LCORL: variants seen among roughly 807,000 people sequenced by gnomAD.
LCORL encodes ligand dependent nuclear receptor corepressor like, also known as ligand-dependent nuclear receptor corepressor-like protein.
LCORL carries 41 observed loss-of-function variants against 141.8 expected under a neutral mutation model. The observed-to-expected ratio is 0.29, with a 90% CI of 0.23 to 0.38. The LOEUF is 0.38. LCORL is among the 10% of genes least tolerant of loss of function. The pLI is 1.00. For missense variants in LCORL, 1,759 were observed against 2,035.0 expected (o/e 0.86, Z 2.61); for synonymous variants, 618 against 694.1 (o/e 0.89, Z 1.72).
At chr4:17,887,943 C>G (rs1227403859) in intron 5 of LCORL, among the ~76,000 whole-genome samples, 2 of 152,024 alleles carry the variant, frequency 1.3e-5, no homozygotes, top group African/African-American at 4.8e-5. Flanking sequence ...CTAATTCTCA[C>G]CAAATCTAAC....
chr4:17,853,165 C>T (rs1723970757), intron 7 of LCORL, among the ~76,000 whole-genome samples: 1 of 151,496 alleles, frequency 6.6e-6, no homozygotes, highest in African/African-American at 2.4e-5. Context: ...ATGGAAGTCT[C>T]CAGGGCCTAT....
intron 5 of LCORL, among the ~76,000 whole-genome samples, chr4:17,886,783 AAAT>A (rs767781172): frequency 2.0e-4 from 31 of 152,118 alleles, no homozygotes; most frequent in Non-Finnish European, 1.5e-4. Context: ...AACTTTAGAA[AAAT>A]AATGTTATAA....
At chr4:18,014,103 C>G (rs1193282598) in intron 1 of LCORL, among the ~76,000 whole-genome samples, 1 of 151,930 alleles carries the variant, frequency 6.6e-6, no homozygotes, top group South Asian at 2.1e-4. Context: ...CCACCGTGCC[C>G]GGCCTGCAAT....
At chr4:17,948,136 C>T (rs958517715) in intron 4 of LCORL, among the ~76,000 whole-genome samples, 2 of 151,758 alleles carry the variant, frequency 1.3e-5, no homozygotes, top group African/African-American at 4.8e-5. Flanking sequence ...ATAGTGAAGC[C>T]AAGAAAATAT....
At chr4:17,999,477 G>T (rs1721567767) in intron 1 of LCORL, among the ~76,000 whole-genome samples, 1 of 151,710 alleles carries the variant, frequency 6.6e-6, no homozygotes, top group Non-Finnish European at 1.5e-5. Flanking sequence ...AGAACAGGAT[G>T]TCGAAGACAT....
At chr4:17,875,948 C>A (rs187256623) in exon 7 of LCORL, 1 of 1,231,130 alleles carries the variant, frequency 8.1e-7, no homozygotes, top group Non-Finnish European at 1.0e-6. Flanking sequence ...TTTCAGAGTT[C>A]GCATTTGAGA....
At chr4:17,919,854 T>C (rs1243167279) in intron 4 of LCORL, among the ~76,000 whole-genome samples, 1 of 152,238 alleles carries the variant, frequency 6.6e-6, no homozygotes, top group African/African-American at 2.4e-5. Flanking sequence ...TCCTTAGAGA[T>C]GGTCTTGCCC....
At chr4:17,881,379 C>G (rs887977115) in intron 6 of LCORL, 32 of 979,548 alleles carry the variant, frequency 3.3e-5, no homozygotes, top group Admixed American at 6.2e-5. Context: ...CCTGCCTTTC[C>G]TAGTTTGTAT....
At chr4:18,004,865 T>A (rs533804758) in intron 1 of LCORL, among the ~76,000 whole-genome samples, 1 of 151,618 alleles carries the variant, frequency 6.6e-6, no homozygotes, top group Non-Finnish European at 1.5e-5. Context: ...ATGGGAGAAA[T>A]TGGCAAAAAC....
At chr4:18,004,265 C>T (rs761790503) in intron 1 of LCORL, among the ~76,000 whole-genome samples, 2 of 152,192 alleles carry the variant, frequency 1.3e-5, no homozygotes, top group Non-Finnish European at 2.9e-5. Flanking sequence ...ATGGATTTCA[C>T]ATTGTACTAG....
chr4:17,992,587 A>G (rs957461408), intron 1 of LCORL, among the ~76,000 whole-genome samples: 2 of 152,204 alleles, frequency 1.3e-5, no homozygotes, highest in Non-Finnish European at 2.9e-5. Context: ...CTTTGAACAG[A>G]TTCTTGAGTT....
chr4:17,881,751 T>G (rs533443698), intron 6 of LCORL: 3 of 961,748 alleles, frequency 3.1e-6, no homozygotes, highest in Non-Finnish European at 3.7e-6. Flanking sequence ...TATTATGTAA[T>G]GCATTCAAAG....
chr4:17,956,945 T>C (rs913580665), intron 4 of LCORL, among the ~76,000 whole-genome samples: 3 of 151,810 alleles, frequency 2.0e-5, no homozygotes, highest in Non-Finnish European at 2.9e-5. Flanking sequence ...AAAAAATAAA[T>C]ATTGGAATGA....
intron 1 of LCORL, among the ~76,000 whole-genome samples, chr4:17,997,208 T>C (rs780064525): frequency 1.3e-5 from 2 of 152,200 alleles, no homozygotes; most frequent in Non-Finnish European, 2.9e-5. Flanking sequence ...CGAACAAGTA[T>C]GTACTGGTCT....
At chr4:17,965,972 A>C (rs1055797016) in intron 2 of LCORL, among the ~76,000 whole-genome samples, 1 of 152,122 alleles carries the variant, frequency 6.6e-6, no homozygotes, top group African/African-American at 2.4e-5. Context: ...ATATTGAGCT[A>C]GATTTTTCAT....
intron 4 of LCORL, among the ~76,000 whole-genome samples, chr4:17,939,742 T>C (rs899710074): frequency 6.6e-6 from 1 of 151,876 alleles, no homozygotes; most frequent in Admixed American, 6.6e-5. Context: ...ATTCTTCCCA[T>C]AATATATATG....
chr4:17,881,154 CCTT>C (rs1727520626), intron 6 of LCORL: 3 of 979,078 alleles, frequency 3.1e-6, no homozygotes, highest in South Asian at 4.7e-5. Context: ...TTTCTCTTTT[CCTT>C]CTTTTTTTTT....
chr4:18,005,371 T>C (rs1722630387), intron 1 of LCORL, among the ~76,000 whole-genome samples: 1 of 152,132 alleles, frequency 6.6e-6, no homozygotes, highest in South Asian at 2.1e-4. Flanking sequence ...CAGGCTGATG[T>C]TGAGTGTCTG....
intron 4 of LCORL, among the ~76,000 whole-genome samples, chr4:17,910,087 G>A (rs1732270159): frequency 6.6e-6 from 1 of 152,138 alleles, no homozygotes; most frequent in African/African-American, 2.4e-5. Context: ...ATCACTGAGA[G>A]TTTTAACCAA....
Sources: gnomAD v4.1 joint callset for allele counts (sites outside exome capture counted in the v4.1 genomes callset) on GRCh38, gnomAD v4.1.1 for gene constraint, MANE v1.5 for transcripts, NCBI Gene and HGNC (gene_info 2026-07-23, HGNC 2026-07-21) for gene names.